Variants in CNTN4 observed in about 807,000 individuals in gnomAD.
The protein encoded by CNTN4 is contactin-4.
CNTN4 carries 77 observed loss-of-function variants against 122.5 expected under a neutral mutation model. That is an observed-to-expected ratio of 0.63 (90% confidence interval 0.52 to 0.76). The LOEUF is 0.76. Among genes scored for constraint, CNTN4 ranks in the 30% least tolerant of loss-of-function variants. The pLI is 0.00. For synonymous variants in CNTN4, 512 were observed against 447.0 expected (o/e 1.15, Z -1.83); for missense variants, 1,256 against 1,259.1 (o/e 1.00, Z 0.04).
intron 8 of CNTN4, among the ~76,000 whole-genome samples, chr3:2,879,530 G>A (rs2093882789): frequency 1.3e-5 from 2 of 152,104 alleles, no homozygotes; most frequent in African/African-American, 2.4e-5. Flanking sequence ...CAAACTACTG[G>A]TACCTGTTAC....
chr3:2,276,826 T>C (rs934971602), intron 2 of CNTN4, among the ~76,000 whole-genome samples: 2 of 152,030 alleles, frequency 1.3e-5, no homozygotes, highest in Admixed American at 6.6e-5. Flanking sequence ...TGAGGCAAGA[T>C]AATCGCTTGA....
intron 12 of CNTN4, among the ~76,000 whole-genome samples, chr3:2,905,765 A>G (rs2094223529): frequency 6.6e-6 from 1 of 152,206 alleles, no homozygotes; most frequent in Non-Finnish European, 1.5e-5. Context: ...CAGGAAAGGG[A>G]ATTTGGCTAG....
At chr3:2,414,409 C>T (rs1338201814) in intron 3 of CNTN4, among the ~76,000 whole-genome samples, 1 of 151,978 alleles carries the variant, frequency 6.6e-6, no homozygotes, top group East Asian at 1.9e-4. Flanking sequence ...TTAAAAATGC[C>T]ATTTTAAAAG....
intron 7 of CNTN4, among the ~76,000 whole-genome samples, chr3:2,865,442 C>T (rs1172202401): frequency 6.6e-6 from 1 of 152,192 alleles, no homozygotes; most frequent in Non-Finnish European, 1.5e-5. Flanking sequence ...AGTGACCTTT[C>T]TGCTATTTTC....
intron 3 of CNTN4, among the ~76,000 whole-genome samples, chr3:2,428,493 G>T (rs553946284): frequency 1.1e-4 from 16 of 152,236 alleles, no homozygotes; most frequent in African/African-American, 2.4e-4. Context: ...TTTCTCTCTG[G>T]CTGCCCTTAA....
At chr3:2,656,810 T>C (rs774433337) in intron 4 of CNTN4, among the ~76,000 whole-genome samples, 1 of 152,222 alleles carries the variant, frequency 6.6e-6, no homozygotes, top group African/African-American at 2.4e-5. Flanking sequence ...TCAAGTATTC[T>C]ATTCGTACCT....
chr3:2,822,762 A>G (rs2092904806), intron 7 of CNTN4, among the ~76,000 whole-genome samples: 1 of 152,208 alleles, frequency 6.6e-6, no homozygotes, highest in Non-Finnish European at 1.5e-5. Context: ...TTTCCCACAG[A>G]GAAATAGATT....
chr3:2,209,368 A>C (rs1039330498), intron 2 of CNTN4, among the ~76,000 whole-genome samples: 2 of 152,166 alleles, frequency 1.3e-5, no homozygotes, highest in African/African-American at 4.8e-5. Flanking sequence ...GAGCTTGGGA[A>C]ATATAATCAA....
chr3:2,175,579 A>G (rs76384380), intron 2 of CNTN4, among the ~76,000 whole-genome samples: 2,612 of 152,344 alleles, frequency 0.017, 25 homozygotes, highest in Middle Eastern at 0.054. Context: ...GCAGAAGGTC[A>G]GAGACAGAGG....
intron 2 of CNTN4, among the ~76,000 whole-genome samples, chr3:2,180,680 T>C (rs1204064608): frequency 6.6e-6 from 1 of 152,086 alleles, no homozygotes; most frequent in East Asian, 1.9e-4. Flanking sequence ...ATCTCAAGTA[T>C]AGCATAAATC....
At chr3:2,307,333 G>T (rs56034405) in intron 2 of CNTN4, among the ~76,000 whole-genome samples, 3,542 of 152,090 alleles carry the variant, frequency 0.023, 132 homozygotes, top group African/African-American at 0.081. Context: ...TACTGGGGAG[G>T]CTGGGGCAGG....
At chr3:2,885,334 T>A (rs2093960304) in intron 9 of CNTN4, among the ~76,000 whole-genome samples, 1 of 152,208 alleles carries the variant, frequency 6.6e-6, no homozygotes, top group South Asian at 2.1e-4. Context: ...GGATGATAGA[T>A]GCCTTGAGAG....
intron 3 of CNTN4, among the ~76,000 whole-genome samples, chr3:2,506,739 A>G (rs536864895): frequency 7.2e-5 from 11 of 152,310 alleles, no homozygotes; most frequent in African/African-American, 2.4e-4. Context: ...AGATAGAAAG[A>G]AAAAAGATAT....
intron 10 of CNTN4, among the ~76,000 whole-genome samples, chr3:2,888,055 G>C (rs2093998380): frequency 6.6e-6 from 1 of 152,208 alleles, no homozygotes; most frequent in African/African-American, 2.4e-5. Flanking sequence ...GAGTAGTTCT[G>C]TAGGGCAAGT....
chr3:2,105,728 C>T (rs568868836), intron 2 of CNTN4, among the ~76,000 whole-genome samples: 23 of 152,280 alleles, frequency 1.5e-4, no homozygotes, highest in African/African-American at 4.8e-4. Flanking sequence ...TCATTCTGCC[C>T]CTGGCCCCTC....
chr3:2,491,025 T>G (rs917137846), intron 3 of CNTN4, among the ~76,000 whole-genome samples: 13 of 152,080 alleles, frequency 8.5e-5, no homozygotes, highest in African/African-American at 3.1e-4. Context: ...GGGGGAAAAA[T>G]CAGTCTTTCC....
At chr3:2,700,771 G>A (rs574038153) in intron 4 of CNTN4, among the ~76,000 whole-genome samples, 1 of 152,212 alleles carries the variant, frequency 6.6e-6, no homozygotes, top group African/African-American at 2.4e-5. Flanking sequence ...CCTCAAATTG[G>A]CCATGAATTT....
At position 2,425,335 on chromosome 3, in the gene CNTN4, C is replaced by T. The variant is rs188114848; in HGVS notation, c.-89+86102C>T. Among the ~76,000 whole-genome samples the T allele has an allele frequency of 2.3e-3, 346 of 152,150 alleles. 1 individual carries two copies. Among genetic ancestry groups the T allele is most frequent in the Middle Eastern group, 6.8e-3 (2 of 292 alleles). On this transcript the variant is annotated intron_variant, in intron 3 of 24. Coordinates refer to ENST00000418658, the MANE Select transcript of CNTN4 (RefSeq NM_175607.3). ...CCATTTATTAAATAGGGAATCCTTTCCCTATTTCTTGTTTTTGTCAGGTTT... is the reference window on the plus strand; with the variant it reads ...CCATTTATTAAATAGGGAATCCTTTTCCTATTTCTTGTTTTTGTCAGGTTT...
chr3:2,776,014 T>A (rs1178922188), intron 6 of CNTN4, among the ~76,000 whole-genome samples: 1 of 152,214 alleles, frequency 6.6e-6, no homozygotes, highest in Non-Finnish European at 1.5e-5. Flanking sequence ...CATACTTATG[T>A]CATAGCATAT....
Sources: gnomAD v4.1 joint callset for allele counts (sites outside exome capture counted in the v4.1 genomes callset) on GRCh38, gnomAD v4.1.1 for gene constraint, MANE v1.5 for transcripts, NCBI Gene and HGNC (gene_info 2026-07-23, HGNC 2026-07-21) for gene names.